Variants in CLTCL1 observed in about 807,000 individuals in gnomAD.
CLTCL1 encodes the protein clathrin heavy chain 2.
CLTCL1 carries 159 observed loss-of-function variants against 190.0 expected under a neutral mutation model. The ratio of observed to expected loss-of-function variants is 0.84; its 90% CI spans 0.74 to 0.95. CLTCL1 has a LOEUF of 0.95. CLTCL1 is among the 40% of genes least tolerant of loss of function. The probability of loss-of-function intolerance (pLI) is 0.00; values close to 1 mark genes in which losing one functional copy is unlikely to be tolerated. For synonymous variants in CLTCL1, 752 were observed against 769.6 expected (o/e 0.98, Z 0.38); for missense variants, 1,878 against 2,033.4 (o/e 0.92, Z 1.47).
At chr22:19,206,389 C>A (rs1189455474) in intron 22 of CLTCL1, among the ~76,000 whole-genome samples, 3 of 152,016 alleles carry the variant, frequency 2.0e-5, no homozygotes, top group Non-Finnish European at 2.9e-5. Flanking sequence ...ATTACAAGTG[C>A]ATGCCACACA....
At chr22:19,276,470 A>G (rs2087507943) in intron 1 of CLTCL1, among the ~76,000 whole-genome samples, 1 of 152,126 alleles carries the variant, frequency 6.6e-6, no homozygotes, top group Non-Finnish European at 1.5e-5. Context: ...ACTGAAACCA[A>G]GCACCTTTCT....
chr22:19,214,682 CTT>C (rs35325953), intron 19 of CLTCL1, among the ~76,000 whole-genome samples: 8,230 of 130,260 alleles, frequency 0.063, 246 homozygotes, highest in Middle Eastern at 0.16. Flanking sequence ...ATATATTTTG[CTT>C]TTTTTTTTTT....
intron 26 of CLTCL1, among the ~76,000 whole-genome samples, chr22:19,192,532 G>A (rs2084547631): frequency 1.3e-5 from 2 of 152,212 alleles, no homozygotes; most frequent in African/African-American, 2.4e-5. Context: ...CACAGCTGGA[G>A]CTAAAGTCAT....
chr22:19,284,718 G>A (rs1423822609), intron 1 of CLTCL1, among the ~76,000 whole-genome samples: 1 of 152,100 alleles, frequency 6.6e-6, no homozygotes. Flanking sequence ...CACTTTGGGA[G>A]GCTGAGGTGG....
At chr22:19,249,611 A>C (rs57664895) in intron 3 of CLTCL1, among the ~76,000 whole-genome samples, 5,293 of 144,780 alleles carry the variant, frequency 0.037, 307 homozygotes, top group African/African-American at 0.13. Context: ...TAGGAGAATC[A>C]CTTGAACCCA....
At chr22:19,282,009 A>G (rs2087732219) in intron 1 of CLTCL1, among the ~76,000 whole-genome samples, 1 of 152,200 alleles carries the variant, frequency 6.6e-6, no homozygotes, top group Admixed American at 6.5e-5. Context: ...GTTCTCAACC[A>G]GGAGTGCTAT....
chr22:19,215,384 A>G (rs2085350325), intron 19 of CLTCL1, among the ~76,000 whole-genome samples: 1 of 152,260 alleles, frequency 6.6e-6, no homozygotes, highest in Non-Finnish European at 1.5e-5. Context: ...GAGTTGATTA[A>G]AATCTGACAC....
chr22:19,232,774 TGTACA>T, intron 9 of CLTCL1, 176 bp from the exon 10 acceptor site: 6 of 864,680 alleles, frequency 6.9e-6, no homozygotes, highest in Non-Finnish European at 1.0e-5. Context: ...ATTGATTTAA[TGTACA>T]TGGAAGGCAC....
At chr22:19,222,881 C>G (rs2085620617) in intron 14 of CLTCL1, 72 bp from the exon 15 acceptor site, 1 of 1,532,874 alleles carries the variant, frequency 6.5e-7, no homozygotes, top group Non-Finnish European at 8.8e-7. Flanking sequence ...ACTCATTGCA[C>G]ACATGGGACG....
At chr22:19,192,944 G>A (rs945282334) in intron 26 of CLTCL1, among the ~76,000 whole-genome samples, 15 of 152,250 alleles carry the variant, frequency 9.9e-5, no homozygotes, top group Admixed American at 2.0e-4. Flanking sequence ...GCAGGGCCAG[G>A]ACATGGGGGC....
chr22:19,229,721 C>T (rs1296377184), intron 11 of CLTCL1, 117 bp downstream of exon 11: 4 of 1,005,352 alleles, frequency 4.0e-6, no homozygotes, highest in Non-Finnish European at 5.4e-6. Flanking sequence ...CTGAGAAGTA[C>T]AAGATAAACA....
intron 22 of CLTCL1, chr22:19,207,598 C>A: frequency 2.4e-6 from 1 of 408,978 alleles, no homozygotes; most frequent in East Asian, 3.5e-5. Context: ...CCACGGACCG[C>A]TGCTGGTCTG....
intron 29 of CLTCL1, chr22:19,184,358 C>G (rs1012730901): frequency 8.2e-5 from 34 of 413,960 alleles, no homozygotes; most frequent in African/African-American, 6.5e-4. Flanking sequence ...CTGTGGCGGT[C>G]CCAGCTCTGC....
intron 1 of CLTCL1, among the ~76,000 whole-genome samples, chr22:19,283,064 G>A (rs185515681): frequency 7.9e-5 from 12 of 151,720 alleles, no homozygotes; most frequent in African/African-American, 2.4e-4. Context: ...TAGAGACGGG[G>A]TTTCACCACA....
chr22:19,267,754 G>T (rs1194230926), intron 2 of CLTCL1, among the ~76,000 whole-genome samples: 1 of 152,074 alleles, frequency 6.6e-6, no homozygotes, highest in Non-Finnish European at 1.5e-5. Flanking sequence ...AACTAGCCAG[G>T]CATGGTGGCA....
chr22:19,221,454 G>A lies in CLTCL1; in HGVS notation c.2719C>T (p.Arg907Cys), dbSNP rs782006324. 6.7e-5 allele frequency: 106 copies of A among 1,579,738 alleles called. 1 individual carries two copies. The South Asian group carries it at 7.8e-4, about 12-fold the overall frequency. Residue 907 changes from arginine to cysteine, a missense_variant, in exon 17 of 33, where the codon CGC (arginine) becomes TGC (cysteine). Coordinates refer to ENST00000427926, the MANE Select transcript of CLTCL1 (RefSeq NM_007098.4). The part of the protein sequence containing the change: ...NAYYDSSVVG[R>C]YCEKRDPHLA... ...TGGGGGTCTCGCTTCTCACAGTAGCGGCCCACCACGCTGCTGTCATAGTAG... is the reference window on the plus strand; with the variant it reads ...TGGGGGTCTCGCTTCTCACAGTAGCAGCCCACCACGCTGCTGTCATAGTAG...
chr22:19,183,921 T>C, intron 29 of CLTCL1: 1 of 424,214 alleles, frequency 2.4e-6, no homozygotes, highest in Non-Finnish European at 4.4e-6. Flanking sequence ...CTGATGGGAG[T>C]TTGGGGGTTG....
intron 1 of CLTCL1, among the ~76,000 whole-genome samples, chr22:19,290,646 C>G (rs947249773): frequency 2.0e-5 from 3 of 152,114 alleles, no homozygotes; most frequent in Admixed American, 2.0e-4. Flanking sequence ...TACACAGTTC[C>G]CAAGGCTTTT....
At chr22:19,232,275 T>C (rs2085939886) in intron 10 of CLTCL1, among the ~76,000 whole-genome samples, 2 of 152,052 alleles carry the variant, frequency 1.3e-5, no homozygotes, top group South Asian at 2.1e-4. Flanking sequence ...TCTAAAGTAC[T>C]TCAAAACAAA....
Sources: gnomAD v4.1 joint callset for allele counts (sites outside exome capture counted in the v4.1 genomes callset) on GRCh38, gnomAD v4.1.1 for gene constraint, MANE v1.5 for transcripts, NCBI Gene and HGNC (gene_info 2026-07-23, HGNC 2026-07-21) for gene names.